The following SORCS1 variants were observed in gnomAD, a reference collection of about 807,000 sequenced individuals.
SORCS1 encodes the protein VPS10 domain-containing receptor SorCS1.
SORCS1 carries 60 observed loss-of-function variants against 146.1 expected under a neutral mutation model. That is an observed-to-expected ratio of 0.41 (90% CI 0.33 to 0.51). SORCS1 has a LOEUF of 0.51. SORCS1 is among the 20% of genes least tolerant of loss of function. SORCS1 has a pLI of 0.21. For synonymous variants in SORCS1, 637 were observed against 584.0 expected (o/e 1.09, Z -1.31); for missense variants, 1,352 against 1,487.6 (o/e 0.91, Z 1.50).
At chr10:107,145,308 G>A (rs1968226414) in intron 1 of SORCS1, among the ~76,000 whole-genome samples, 1 of 152,174 alleles carries the variant, frequency 6.6e-6, no homozygotes, top group Non-Finnish European at 1.5e-5. Context: ...AGAAGAAAAT[G>A]AGGAGCCTGG....
intron 5 of SORCS1, among the ~76,000 whole-genome samples, chr10:106,744,887 T>C (rs917140625): frequency 6.6e-6 from 1 of 152,166 alleles, no homozygotes; most frequent in Non-Finnish European, 1.5e-5. Context: ...AGCTCAGAAC[T>C]ACTGGGTGAG....
intron 2 of SORCS1, among the ~76,000 whole-genome samples, chr10:106,843,980 T>G (rs1457152031): frequency 1.3e-5 from 2 of 152,190 alleles, no homozygotes; most frequent in African/African-American, 4.8e-5. Flanking sequence ...CCACATTGTT[T>G]TCCATAGTGG....
rs1564838013 is a variant in SORCS1 at position 106,944,871 on chromosome 10, C to CTTTTTTTTTTTT, written c.626+11641_626+11642insAAAAAAAAAAAA. Among the ~76,000 whole-genome samples, 240 of 60,978 alleles carry CTTTTTTTTTTTT rather than the reference C, an allele frequency of 3.9e-3. 38 individuals are homozygous for CTTTTTTTTTTTT. The highest frequency in any genetic ancestry group is 0.011 in the East Asian group (27 of 2,536). 40.0% of individuals were successfully genotyped at this position (60,978 alleles called of 152,430 possible). On this transcript the variant is annotated intron_variant, in intron 2 of 25. Transcript: ENST00000263054. ...ATGGTAGAAAGAAGCAAGAAAGAGCCTTCTTTTTTTTTTTTTTTTTTTTTT... is the reference window on the plus strand; with the variant it reads ...ATGGTAGAAAGAAGCAAGAAAGAGCCTTTTTTTTTTTTTTCTTTTTTTTTTTTTTTTTTTTTT...
chr10:106,800,281 G>A (rs951049339), intron 3 of SORCS1, among the ~76,000 whole-genome samples: 3 of 152,078 alleles, frequency 2.0e-5, no homozygotes, highest in Non-Finnish European at 2.9e-5. Flanking sequence ...AATTGGTCAT[G>A]TCCATGAATC....
chr10:107,054,975 C>T (rs1047118707), intron 1 of SORCS1, among the ~76,000 whole-genome samples: 1 of 152,082 alleles, frequency 6.6e-6, no homozygotes, highest in Non-Finnish European at 1.5e-5. Context: ...TTAGAAGAGC[C>T]CATCAGATAG....
chr10:107,105,642 G>T (rs912088815), intron 1 of SORCS1, among the ~76,000 whole-genome samples: 3 of 152,198 alleles, frequency 2.0e-5, no homozygotes, highest in African/African-American at 7.2e-5. Context: ...GAGGCCGGAA[G>T]ACTCAGCCAG....
At chr10:106,599,463 G>T (rs1846106458) in intron 23 of SORCS1, among the ~76,000 whole-genome samples, 2 of 151,982 alleles carry the variant, frequency 1.3e-5, no homozygotes, top group Non-Finnish European at 2.9e-5. Flanking sequence ...TGCATACAAT[G>T]GTTTTCCTCT....
At chr10:106,706,459 C>T (rs1589704044) in intron 8 of SORCS1, 86 bp downstream of exon 8, 1 of 1,298,174 alleles carries the variant, frequency 7.7e-7, no homozygotes, top group East Asian at 2.3e-5. Context: ...CTATGAGAGG[C>T]TGAAAGAGTC....
intron 1 of SORCS1, among the ~76,000 whole-genome samples, chr10:107,120,597 T>A (rs1331211674): frequency 1.3e-5 from 2 of 152,124 alleles, no homozygotes; most frequent in African/African-American, 4.8e-5. Flanking sequence ...TTCACAGAAG[T>A]AGGCAATCTC....
chr10:107,062,853 T>C (rs1483656473), intron 1 of SORCS1, among the ~76,000 whole-genome samples: 3 of 152,234 alleles, frequency 2.0e-5, no homozygotes, highest in Non-Finnish European at 4.4e-5. Flanking sequence ...CAGGTGTTTT[T>C]TACAGTGTTT....
chr10:107,087,502 G>A (rs1430713549), intron 1 of SORCS1, among the ~76,000 whole-genome samples: 2 of 152,128 alleles, frequency 1.3e-5, no homozygotes, highest in Non-Finnish European at 2.9e-5. Flanking sequence ...TTAACCTAAC[G>A]GAATAGTCAC....
At chr10:106,965,765 C>T (rs1181694061) in intron 1 of SORCS1, among the ~76,000 whole-genome samples, 2 of 152,184 alleles carry the variant, frequency 1.3e-5, no homozygotes, top group African/African-American at 4.8e-5. Context: ...CAAGGCAGAA[C>T]CACTGAAATG....
chr10:107,143,365 T>C (rs186234231), intron 1 of SORCS1, among the ~76,000 whole-genome samples: 5 of 152,332 alleles, frequency 3.3e-5, no homozygotes, highest in Non-Finnish European at 5.9e-5. Context: ...TCTGGCTCTA[T>C]CGCACAGGCT....
intron 1 of SORCS1, among the ~76,000 whole-genome samples, chr10:107,156,373 G>A (rs1246661642): frequency 6.6e-6 from 1 of 152,162 alleles, no homozygotes; most frequent in Non-Finnish European, 1.5e-5. Flanking sequence ...TTAGAATGAG[G>A]ATAACAGTAC....
Position 106,679,768 on chromosome 10 carries a change from C to T in SORCS1, c.1561-34G>A, listed in dbSNP as rs568099975. ...AGAAATAATAAGTGCCACAAAATCA[C>T]ATAATCAAAATGGTCATTTGAAGCT... On this transcript the variant is annotated intron_variant, in intron 10 of 25. Transcript: ENST00000263054. The T allele has an allele frequency of 3.3e-6, 5 of 1,511,282 alleles. No individual in the cohort carries two copies. The African/African-American group carries it at 6.9e-5, about 21-fold the overall frequency. 93.6% of individuals were successfully genotyped at this position (1,511,282 alleles called of 1,614,324 possible).
intron 4 of SORCS1, among the ~76,000 whole-genome samples, chr10:106,769,250 C>G (rs1432375989): frequency 6.6e-6 from 1 of 152,092 alleles, no homozygotes; most frequent in Non-Finnish European, 1.5e-5. Flanking sequence ...CTTTGGGAGG[C>G]TGAGGCAGGC....
intron 1 of SORCS1, among the ~76,000 whole-genome samples, chr10:107,009,564 A>C (rs1425782247): frequency 6.6e-6 from 1 of 152,224 alleles, no homozygotes; most frequent in Non-Finnish European, 1.5e-5. Flanking sequence ...TGAGTTTAGG[A>C]CTATGGATAA....
At chr10:106,705,468 G>A (rs1854451551) in intron 8 of SORCS1, among the ~76,000 whole-genome samples, 2 of 152,044 alleles carry the variant, frequency 1.3e-5, no homozygotes, top group Admixed American at 1.3e-4. Context: ...GCAGCTATCT[G>A]GTGTTGGTTC....
intron 1 of SORCS1, among the ~76,000 whole-genome samples, chr10:107,118,506 T>C (rs1966188984): frequency 6.6e-6 from 1 of 152,204 alleles, no homozygotes; most frequent in Non-Finnish European, 1.5e-5. Context: ...ATTTTTTTCC[T>C]CCACTGATTT....
Sources: allele counts gnomAD v4.1 joint callset (sites outside exome capture counted in the v4.1 genomes callset), GRCh38; gene constraint gnomAD v4.1.1; transcripts MANE v1.5; gene names NCBI Gene and HGNC (gene_info 2026-07-23, HGNC 2026-07-21).